The following GJB7 variants were observed in gnomAD, a reference collection of about 807,000 sequenced individuals.
The protein encoded by GJB7 is gap junction beta-7 protein.
For synonymous variants in GJB7, 87 were observed against 95.2 expected (o/e 0.91, Z 0.50); for missense variants, 253 against 256.8 (o/e 0.99, Z 0.10).
intron 2 of GJB7, among the ~76,000 whole-genome samples, chr6:87,315,677 T>G (rs903357117): frequency 2.0e-5 from 3 of 151,308 alleles, no homozygotes; most frequent in African/African-American, 7.3e-5. Flanking sequence ...GTGCCTGTAG[T>G]TACTATTGCT....
chr6:87,323,602 A>G (rs1477615063), intron 1 of GJB7, among the ~76,000 whole-genome samples: 1 of 151,878 alleles, frequency 6.6e-6, no homozygotes, highest in Non-Finnish European at 1.5e-5. Flanking sequence ...AAGGACATGA[A>G]CTCATCATTT....
chr6:87,287,529 C>G (rs768155392), intron 2 of GJB7, among the ~76,000 whole-genome samples: 2 of 152,176 alleles, frequency 1.3e-5, no homozygotes, highest in Non-Finnish European at 2.9e-5. Flanking sequence ...GGAATAAATA[C>G]TTCAATGTCC....
chr6:87,304,246 T>G (rs1387626140), intron 2 of GJB7, among the ~76,000 whole-genome samples: 1 of 152,098 alleles, frequency 6.6e-6, no homozygotes. Context: ...GGAGCTGGTT[T>G]TTTGAAAAGA....
intron 2 of GJB7, among the ~76,000 whole-genome samples, chr6:87,295,504 C>T (rs1325035866): frequency 2.0e-5 from 3 of 152,124 alleles, no homozygotes; most frequent in Non-Finnish European, 4.4e-5. Flanking sequence ...GGTAGTTCAT[C>T]CATCTTCTGC....
chr6:87,288,763 C>T (rs1240036284), intron 2 of GJB7, among the ~76,000 whole-genome samples: 1 of 152,182 alleles, frequency 6.6e-6, no homozygotes, highest in Admixed American at 6.5e-5. Flanking sequence ...AATCTACATT[C>T]AAGGCCAAAG....
Position 87,284,366 on chromosome 6 carries a change from A to C in GJB7, c.547T>G (p.Leu183Val). 1 of 1,614,192 alleles carries C rather than the reference A, an allele frequency of 6.2e-7. No individual in the cohort carries two copies. Among genetic ancestry groups the C allele is most frequent in the Non-Finnish European group, 8.5e-7 (1 of 1,180,014 alleles). ...PTEKTIFILF[L>V]VITSCLCIVL... ...ATACACAAGCATGAGGTGATGACCA[A>C]GAAGAGGATGAAGATCGTCTTCTCA... Residue 183 changes from leucine (L) to valine (V), a missense_variant, in exon 3 of 3, where the codon TTG (leucine) becomes GTG (valine). Physicochemically the swap from Leu to Val is conservative, Grantham distance 32. Transcript: ENST00000525899.
rs1776076498 is a variant in GJB7, at chr6:87,287,239, T to C, written c.-27-2300A>G. ...ATTTCTCAGGTGAAAACTTTGCCTT[T>C]TCAGGTCCTGTTTCCTATAGTACAA... On this transcript the variant is annotated intron_variant, in intron 2 of 2. Coordinates refer to ENST00000525899, the MANE Select transcript of GJB7 (RefSeq NM_198568.3). Among the ~76,000 whole-genome samples the C allele has an allele frequency of 3.3e-5, 5 of 152,236 alleles. No homozygotes were observed. In the South Asian group the frequency reaches 1.0e-3, roughly 31 times the overall value.
At chr6:87,325,463 G>A (rs1776793600) in intron 1 of GJB7, among the ~76,000 whole-genome samples, 1 of 129,934 alleles carries the variant, frequency 7.7e-6, no homozygotes, top group Non-Finnish European at 1.6e-5. Flanking sequence ...TTTATTGAGA[G>A]TTTTTAGCAT....
chr6:87,326,521 T>G lies in GJB7; in HGVS notation c.-206+2617A>C, dbSNP rs185449830. On this transcript the variant is annotated intron_variant, in intron 1 of 2. Coordinates refer to ENST00000525899, the MANE Select transcript of GJB7 (RefSeq NM_198568.3). ...CTTTATTTCTGCCTTCAGTTCGTTA[T>G]GTACCCAGTAGTCATTCAGGAGCAG... Among the ~76,000 whole-genome samples the G allele has an allele frequency of 2.5e-3, 385 of 151,988 alleles. 2 individuals are homozygous for G. The highest frequency in any genetic ancestry group is 9.0e-3 in the African/African-American group (371 of 41,386).
chr6:87,311,792 G>C (rs1357071435), intron 2 of GJB7, among the ~76,000 whole-genome samples: 2 of 152,088 alleles, frequency 1.3e-5, no homozygotes, highest in Non-Finnish European at 2.9e-5. Flanking sequence ...CATTTTTCCT[G>C]GCAAGAATTT....
chr6:87,317,677 C>T (rs933669896), intron 2 of GJB7, among the ~76,000 whole-genome samples: 7 of 151,940 alleles, frequency 4.6e-5, no homozygotes, highest in Admixed American at 2.0e-4. Flanking sequence ...GTGATCTGCC[C>T]GCCTCAGCCT....
intron 2 of GJB7, 64 bp downstream of exon 2, chr6:87,322,802 C>T (rs1002714426): frequency 6.6e-6 from 1 of 152,180 alleles, no homozygotes; most frequent in Non-Finnish European, 1.5e-5. Context: ...CCGTGGACTC[C>T]CTGTACCCGC....
chr6:87,293,919 A>G (rs1241732175), intron 2 of GJB7, among the ~76,000 whole-genome samples: 1 of 152,202 alleles, frequency 6.6e-6, no homozygotes, highest in East Asian at 1.9e-4. Context: ...GGTTGATCAG[A>G]AGAGGTTCTA....
At chr6:87,285,648 A>C (rs1776047899) in intron 2 of GJB7, among the ~76,000 whole-genome samples, 1 of 152,060 alleles carries the variant, frequency 6.6e-6, no homozygotes, top group African/African-American at 2.4e-5. Context: ...TTGATCTATC[A>C]GTTTTCTGTG....
Position 87,283,440 on chromosome 6 carries a change from T to C in GJB7, c.*801A>G, listed in dbSNP as rs892476916. 4 of 152,250 alleles carry C rather than the reference T, an allele frequency of 2.6e-5. No homozygotes were observed. Among genetic ancestry groups the C allele is most frequent in the African/African-American group, 9.7e-5 (4 of 41,448 alleles). 9.4% of individuals were successfully genotyped at this position (152,250 alleles called of 1,614,324 possible). A position where few individuals can be genotyped will look rare whatever the true frequency, so the allele number is the denominator to read the frequency against. On this transcript the variant is annotated 3_prime_UTR_variant, in exon 3 of 3. Coordinates refer to ENST00000525899, the MANE Select transcript of GJB7 (RefSeq NM_198568.3). ...CTTTCGGATGTCTGCTGGTTCAGGC[T>C]TAAGTGGGATACCTCCCAGTAATAT...
intron 2 of GJB7, among the ~76,000 whole-genome samples, chr6:87,304,421 C>G (rs960346676): frequency 2.0e-5 from 3 of 152,184 alleles, no homozygotes; most frequent in African/African-American, 4.8e-5. Context: ...ACTAGAAAAT[C>G]TAGAAGAAAT....
intron 2 of GJB7, among the ~76,000 whole-genome samples, chr6:87,287,169 T>C (rs1319233670): frequency 6.6e-6 from 1 of 152,220 alleles, no homozygotes; most frequent in Non-Finnish European, 1.5e-5. Flanking sequence ...CCATAACCTG[T>C]AGATATGGGC....
Position 87,310,191 on chromosome 6 carries a change from A to C in GJB7, c.-28+12675T>G, listed in dbSNP as rs368123624. On this transcript the variant is annotated intron_variant, in intron 2 of 2. Transcript: ENST00000525899. ...TGGTAGATGTAATCAAGAAAGATAAAATAATAAAGTTTCTAGATTTTAGAA... is the reference window on the plus strand; with the variant it reads ...TGGTAGATGTAATCAAGAAAGATAACATAATAAAGTTTCTAGATTTTAGAA... Among the ~76,000 whole-genome samples the C allele has an allele frequency of 5.9e-5, 9 of 152,324 alleles. No homozygotes were observed. The East Asian group carries it at 1.5e-3, about 26-fold the overall frequency.
In GJB7 at chr6:87,283,527, T is replaced by C. The variant is rs1021063834; in HGVS notation, c.*714A>G. On this transcript the variant is annotated 3_prime_UTR_variant, in exon 3 of 3. Coordinates refer to ENST00000525899, the MANE Select transcript of GJB7 (RefSeq NM_198568.3). ...TCCTCCCTCTCCTCTAATCCACTTA[T>C]ATCCAAGGATCCCTGAATCGGCAAG... The C allele has an allele frequency of 1.3e-5, 2 of 152,258 alleles. No individual in the cohort carries two copies. Among genetic ancestry groups the C allele is most frequent in the African/African-American group, 4.8e-5 (2 of 41,444 alleles). The allele number at this position is 152,258 out of a possible 1,614,324, so 9.4% of individuals were successfully genotyped here.
Sources: gnomAD v4.1 joint callset for allele counts (sites outside exome capture counted in the v4.1 genomes callset) on GRCh38, gnomAD v4.1.1 for gene constraint, MANE v1.5 for transcripts, NCBI Gene and HGNC (gene_info 2026-07-23, HGNC 2026-07-21) for gene names.